The following OR2A14 variants were observed in gnomAD, a reference collection of about 807,000 sequenced individuals.
OR2A14 encodes olfactory receptor 2A14.
A neutral mutation model predicts 2.4 loss-of-function variants in OR2A14; 2 were observed. The ratio of observed to expected loss-of-function variants is 0.85; its 90% CI spans 0.35 to 2.67. The LOEUF is 2.67. OR2A14 is among the 30% of genes most tolerant of loss of function. OR2A14 has a pLI of 0.10. For missense variants in OR2A14, 390 were observed against 379.4 expected, an observed-to-expected ratio of 1.03 and a Z score of -0.23; for synonymous variants, 160 against 156.3, an observed-to-expected ratio of 1.02 and a Z score of -0.18.
intron 1 of OR2A14, among the ~76,000 whole-genome samples, chr7:144,124,815 C>T (rs2951341): frequency 0.61 from 92,185 of 151,902 alleles, 28,843 homozygotes; most frequent in African/African-American, 0.74. Flanking sequence ...AGGAGTCTTC[C>T]ATTTCTTTAA....
Position 144,129,825 on chromosome 7 carries a change from C to G in OR2A14, c.713C>G (p.Ser238Cys). Residue 238 changes from serine to cysteine, a missense_variant, in exon 2 of 2, where the codon TCC becomes TGC. Ser to Cys is a moderately radical substitution (Grantham distance 112). Coordinates refer to ENST00000641068, the MANE Select transcript of OR2A14 (RefSeq NM_001001659.3). ...GGGGAGGGCCGCAGAAAGGCCTTCT[C>G]CACCTGCTCCTCCCACCTTTGCGTG... is the stretch of plus-strand genomic sequence containing the variant. The part of the protein sequence containing the change: ...QSGEGRRKAF[S>C]TCSSHLCVVG... The G allele has an allele frequency of 1.9e-6, 3 of 1,614,136 alleles. No individual in the cohort carries two copies. Among genetic ancestry groups the G allele is most frequent in the Non-Finnish European group, 2.5e-6 (3 of 1,180,014 alleles).
At chr7:144,124,740 G>C (rs1268204287) in intron 1 of OR2A14, among the ~76,000 whole-genome samples, 1 of 152,048 alleles carries the variant, frequency 6.6e-6, no homozygotes, top group African/African-American at 2.4e-5. Flanking sequence ...AGCATGGTGG[G>C]ATTGACCTCT....
chr7:144,129,277 C>G lies in OR2A14; in HGVS notation c.165C>G (p.His55Gln). 2 of 1,614,226 alleles carry G rather than the reference C, an allele frequency of 1.2e-6. No homozygotes were observed. Among genetic ancestry groups the G allele is most frequent in the Non-Finnish European group, 1.7e-6 (2 of 1,180,034 alleles). ...FGIICLDCKL[H>Q]TPMYFFLSHL... ...TTATCTGCCTGGACTGTAAGCTTCA[C>G]ACACCCATGTACTTCTTCCTCTCAC... The change falls in exon 2 of 2, where the codon CAC becomes CAG. Residue 55 changes from histidine (H) to glutamine (Q), a missense_variant. Physicochemically the swap from His to Gln is conservative, Grantham distance 24. Coordinates refer to ENST00000641068, the MANE Select transcript of OR2A14 (RefSeq NM_001001659.3).
At chr7:144,128,945 CA>C (rs75068996) in intron 1 of OR2A14, 133 bp from the exon 2 acceptor site, 25,992 of 549,174 alleles carry the variant, frequency 0.047, 704 homozygotes, top group Non-Finnish European at 0.054. Context: ...TCCATTGATA[CA>C]ATGCGATTTT....
chr7:144,124,971 C>T (rs1464254496), intron 1 of OR2A14, among the ~76,000 whole-genome samples: 1 of 152,204 alleles, frequency 6.6e-6, no homozygotes, highest in African/African-American at 2.4e-5. Context: ...ATGATGATTG[C>T]ACTGGATTTC....
Position 144,129,960 on chromosome 7 carries a change from T to C in OR2A14, c.848T>C (p.Met283Thr), listed in dbSNP as rs1397714782. The part of the protein sequence containing the change: ...LSLFYSLFNP[M>T]LNPLIYSLRN... Reference sequence around the variant, plus strand: ...CTGTTTTACAGCCTTTTCAATCCAATGCTGAACCCCCTGATATATAGCCTA... The same window carrying C: ...CTGTTTTACAGCCTTTTCAATCCAACGCTGAACCCCCTGATATATAGCCTA... Residue 283 changes from methionine to threonine, a missense_variant, in exon 2 of 2, where the codon ATG becomes ACG. By Grantham distance (81) the Met-to-Thr change is moderately conservative. Transcript: ENST00000641068. The C allele has an allele frequency of 3.7e-6, 6 of 1,614,180 alleles. No individual in the cohort carries two copies. The highest frequency in any genetic ancestry group is 5.1e-6 in the Non-Finnish European group (6 of 1,180,014).
chr7:144,130,397 G>A lies in OR2A14; in HGVS notation c.*352G>A, dbSNP rs1443767058. The A allele has an allele frequency of 5.6e-6, 1 of 177,376 alleles. No individual in the cohort carries two copies. The highest frequency in any genetic ancestry group is 1.2e-5 in the Non-Finnish European group (1 of 82,454). The allele number at this position is 177,376 out of a possible 1,614,324, so 11.0% of individuals were successfully genotyped here. On this transcript the variant is annotated 3_prime_UTR_variant, in exon 2 of 2. Transcript: ENST00000641068. ...ATCGTATGGAAACTACATGTACCCA[G>A]AAATGGAACTATTGTTCATACAGTA...
intron 1 of OR2A14, among the ~76,000 whole-genome samples, chr7:144,128,845 C>G (rs1215296277): frequency 6.6e-6 from 1 of 152,092 alleles, no homozygotes; most frequent in Non-Finnish European, 1.5e-5. Flanking sequence ...ATAATAGATC[C>G]TGTTTTGTTA....
chr7:144,123,585 C>A (rs1380489196), intron 1 of OR2A14, among the ~76,000 whole-genome samples: 2 of 152,170 alleles, frequency 1.3e-5, no homozygotes, highest in Non-Finnish European at 2.9e-5. Flanking sequence ...AGGGTATGAT[C>A]TGGCTAAAGG....
chr7:144,129,682 C>T lies in OR2A14; in HGVS notation c.570C>T (p.Asp190=). The part of the protein sequence containing the change: ...ILSVLKLACA[D]TWLNQVVIFA... Reference sequence around the variant, plus strand: ...CTGTCCTCAAGTTGGCCTGTGCTGACACCTGGCTCAACCAGGTGGTCATCT... The same window carrying T: ...CTGTCCTCAAGTTGGCCTGTGCTGATACCTGGCTCAACCAGGTGGTCATCT... The change falls in exon 2 of 2, where the codon GAC becomes GAT. Residue 190 remains aspartate, a synonymous_variant. Transcript: ENST00000641068. 1.9e-6 allele frequency: 3 copies of T among 1,614,154 alleles called. No homozygotes were observed. Among genetic ancestry groups the T allele is most frequent in the African/African-American group, 1.3e-5 (1 of 75,044 alleles).
chr7:144,124,490 G>T (rs1372479962), intron 1 of OR2A14, among the ~76,000 whole-genome samples: 1 of 149,490 alleles, frequency 6.7e-6, no homozygotes, highest in East Asian at 2.0e-4. Flanking sequence ...AAACTAGGCT[G>T]CTCCCTAGGA....
Position 144,129,306 on chromosome 7 carries a change from T to G in OR2A14, c.194T>G (p.Leu65Arg). 6.2e-7 allele frequency: 1 copy of G among 1,614,210 alleles called. No individual in the cohort carries two copies. Reference sequence around the variant, plus strand: ...CCCATGTACTTCTTCCTCTCACACCTGGCCATTGTTGACATATCCTATGCT... The same window carrying G: ...CCCATGTACTTCTTCCTCTCACACCGGGCCATTGTTGACATATCCTATGCT... ...HTPMYFFLSHLAIVDISYASN... is the reference protein window; with the variant it reads ...HTPMYFFLSHRAIVDISYASN... Residue 65 changes from leucine (L) to arginine (R), a missense_variant, in exon 2 of 2, where the codon CTG (leucine) becomes CGG (arginine). Physicochemically the swap from Leu to Arg is moderately radical, Grantham distance 102. Coordinates refer to ENST00000641068, the MANE Select transcript of OR2A14 (RefSeq NM_001001659.3).
rs1049151174 is a variant in OR2A14, at chr7:144,130,242, A to G, written c.*197A>G. 3 of 452,486 alleles carry G rather than the reference A, an allele frequency of 6.6e-6. No individual in the cohort carries two copies. Among genetic ancestry groups the G allele is most frequent in the African/African-American group, 5.9e-5 (3 of 51,002 alleles). 28.0% of individuals were successfully genotyped at this position (452,486 alleles called of 1,614,324 possible). ...TATAATACTGGATAGGCATAAATTC[A>G]TAAAGAAGACACAAAAGTCCCTAGA... On this transcript the variant is annotated 3_prime_UTR_variant, in exon 2 of 2. Coordinates refer to ENST00000641068, the MANE Select transcript of OR2A14 (RefSeq NM_001001659.3).
chr7:144,128,014 C>T (rs1192695930), intron 1 of OR2A14, among the ~76,000 whole-genome samples: 5 of 152,122 alleles, frequency 3.3e-5, no homozygotes, highest in African/African-American at 9.7e-5. Context: ...GCTCAGATTC[C>T]ATCTGAACAG....
rs1025594397 is a variant in OR2A14 at position 144,128,106 on chromosome 7, G to A, written c.-34-973G>A. On this transcript the variant is annotated intron_variant, in intron 1 of 1. Coordinates refer to ENST00000641068, the MANE Select transcript of OR2A14 (RefSeq NM_001001659.3). ...GACAGCAACCCCAGTTGCCATAGCT[G>A]GGAATATATTGATGACAAAAGACTC... 2.0e-5 allele frequency among the ~76,000 whole-genome samples: 3 copies of A among 152,130 alleles called. No individual in the cohort carries two copies. The South Asian group carries it at 6.2e-4, about 32-fold the overall frequency.
chr7:144,125,159 G>A (rs982325577), intron 1 of OR2A14, among the ~76,000 whole-genome samples: 3 of 152,140 alleles, frequency 2.0e-5, no homozygotes, highest in African/African-American at 4.8e-5. Context: ...CTTAGAATAC[G>A]TGACTCAAAT....
In OR2A14 at chr7:144,129,969, C is replaced by T. The variant is rs748653757; in HGVS notation, c.857C>T (p.Pro286Leu). The change falls in exon 2 of 2, where the codon CCC becomes CTC. Residue 286 changes from proline to leucine, a missense_variant. Pro to Leu is a moderately conservative substitution (Grantham distance 98). Transcript: ENST00000641068. Reference sequence around the variant, plus strand: ...AGCCTTTTCAATCCAATGCTGAACCCCCTGATATATAGCCTAAGGAATGCA... The same window carrying T: ...AGCCTTTTCAATCCAATGCTGAACCTCCTGATATATAGCCTAAGGAATGCA... ...FYSLFNPMLN[P>L]LIYSLRNAEV... 47 of 1,614,024 alleles carry T rather than the reference C, an allele frequency of 2.9e-5. No individual in the cohort carries two copies. Among genetic ancestry groups the T allele is most frequent in the Non-Finnish European group, 3.6e-5 (42 of 1,180,018 alleles).
chr7:144,129,133 G>C lies in OR2A14; in HGVS notation c.21G>C (p.Trp7Cys). 1 of 1,611,664 alleles carries C rather than the reference G, an allele frequency of 6.2e-7. No homozygotes were observed. The highest frequency in any genetic ancestry group is 1.7e-5 in the Admixed American group (1 of 59,934). MEGNKT[W>C]ITDITLPRFQ... ...AGAGCATGGAAGGCAACAAGACATGGATCACAGACATCACCTTGCCGCGAT... is the reference window on the plus strand; with the variant it reads ...AGAGCATGGAAGGCAACAAGACATGCATCACAGACATCACCTTGCCGCGAT... Residue 7 changes from tryptophan (W) to cysteine (C), a missense_variant, in exon 2 of 2, where the codon TGG (tryptophan) becomes TGC (cysteine). Coordinates refer to ENST00000641068, the MANE Select transcript of OR2A14 (RefSeq NM_001001659.3).
At chr7:144,123,852 C>CTT (rs35480224) in intron 1 of OR2A14, among the ~76,000 whole-genome samples, 1 of 149,376 alleles carries the variant, frequency 6.7e-6, no homozygotes, top group African/African-American at 2.5e-5. Context: ...TACAGGTTCT[C>CTT]TTTTTTTTTT....
Sources: allele counts gnomAD v4.1 joint callset (sites outside exome capture counted in the v4.1 genomes callset), GRCh38; gene constraint gnomAD v4.1.1; transcripts MANE v1.5; gene names NCBI Gene and HGNC (gene_info 2026-07-23, HGNC 2026-07-21).